Variants in BCAS1 observed in about 807,000 individuals in gnomAD.
BCAS1 encodes the protein breast carcinoma-amplified sequence 1.
In BCAS1, 46 loss-of-function variants were observed where a neutral mutation model predicts 65.4. The ratio of observed to expected loss-of-function variants is 0.70; its 90% CI spans 0.55 to 0.90. The LOEUF is 0.90. BCAS1 is among the 40% of genes least tolerant of loss of function. The probability of loss-of-function intolerance (pLI) is 0.00; values close to 1 mark genes in which losing one functional copy is unlikely to be tolerated. For missense variants in BCAS1, 793 were observed against 771.2 expected, an observed-to-expected ratio of 1.03 and a Z score of -0.33; for synonymous variants, 298 against 293.5, an observed-to-expected ratio of 1.02 and a Z score of -0.16.
intron 4 of BCAS1, among the ~76,000 whole-genome samples, chr20:54,006,972 G>A (rs2145927599): frequency 6.6e-6 from 1 of 152,264 alleles, no homozygotes; most frequent in Admixed American, 6.5e-5. Flanking sequence ...GGCTGCTAAG[G>A]AGAAAAGAAA....
In BCAS1 at chr20:54,058,168, C is replaced by T. The variant is rs762263911; in HGVS notation, c.73-14G>A. 6 of 1,612,830 alleles carry T rather than the reference C, an allele frequency of 3.7e-6. No individual in the cohort carries two copies. The highest frequency in any genetic ancestry group is 2.2e-5 in the East Asian group (1 of 44,864). On this transcript the variant is annotated splice_polypyrimidine_tract_variant and intron_variant, in intron 2 of 12. Transcript: ENST00000688948. Reference sequence around the variant, plus strand: ...AGACGCGTTGTCCTGAAACAGAGCACGTGGCATTGTGAGACAAATCTTCGG... The same window carrying T: ...AGACGCGTTGTCCTGAAACAGAGCATGTGGCATTGTGAGACAAATCTTCGG...
chr20:53,997,235 C>T (rs1375987451), intron 4 of BCAS1, among the ~76,000 whole-genome samples: 1 of 152,228 alleles, frequency 6.6e-6, no homozygotes, highest in Admixed American at 6.5e-5. Flanking sequence ...ATATCTACTT[C>T]ACTCAGTGCT....
intron 1 of BCAS1, chr20:54,068,299 C>T (rs1472121881): frequency 1.3e-5 from 2 of 154,326 alleles, no homozygotes; most frequent in African/African-American, 4.8e-5. Context: ...TTAGAGCTCG[C>T]TCTCATAGTC....
Position 54,028,228 on chromosome 20 carries a change from A to T in BCAS1, c.723+164T>A, listed in dbSNP as rs981699824. On this transcript the variant is annotated intron_variant, in intron 4 of 12. Transcript: ENST00000688948. ...CACACAGAAGTTTCTACCCAGAGAA[A>T]CATCAGGATGACACTCTGCTGCAAT... 1.7e-5 allele frequency: 12 copies of T among 691,142 alleles called. 1 individual carries two copies. In the East Asian group the frequency reaches 3.0e-4, roughly 17 times the overall value. The allele number at this position is 691,142 out of a possible 1,614,324, so 42.8% of individuals were successfully genotyped here.
intron 12 of BCAS1, among the ~76,000 whole-genome samples, chr20:53,947,496 C>T (rs2089364805): frequency 6.6e-6 from 1 of 152,166 alleles, no homozygotes; most frequent in African/African-American, 2.4e-5. Context: ...GTTGCATGAC[C>T]TCTGGCCGGT....
chr20:53,950,302 G>A (rs978183376), intron 12 of BCAS1, among the ~76,000 whole-genome samples: 2 of 151,398 alleles, frequency 1.3e-5, no homozygotes, highest in Non-Finnish European at 2.9e-5. Flanking sequence ...CCGTGCCTTT[G>A]CCAGGGCTGT....
chr20:54,025,098 T>C (rs571193081), intron 4 of BCAS1, among the ~76,000 whole-genome samples: 2 of 152,290 alleles, frequency 1.3e-5, no homozygotes, highest in Non-Finnish European at 2.9e-5. Flanking sequence ...AATTACACTT[T>C]TAAAAGAAAA....
rs369990536 is a variant in BCAS1 at position 54,013,077 on chromosome 20, A to C, written c.723+15315T>G. ...CATATGTTACCATCAACCATACAAC[A>C]TATGTTAGCATCAGGCATACATGCA... is the stretch of plus-strand genomic sequence containing the variant. On this transcript the variant is annotated intron_variant, in intron 4 of 12. Coordinates refer to ENST00000688948, the MANE Select transcript of BCAS1 (RefSeq NM_001366298.2). Among the ~76,000 whole-genome samples, 91 of 152,330 alleles carry C rather than the reference A, an allele frequency of 6.0e-4. 1 individual carries two copies. Among genetic ancestry groups the C allele is most frequent in the Middle Eastern group, 3.4e-3 (1 of 294 alleles).
chr20:54,016,218 G>A (rs2091435279), intron 4 of BCAS1, among the ~76,000 whole-genome samples: 1 of 152,100 alleles, frequency 6.6e-6, no homozygotes. Context: ...CAATATGAAA[G>A]ACCTATTGGA....
Position 53,957,470 on chromosome 20 carries a change from G to A in BCAS1, c.1513C>T (p.His505Tyr), listed in dbSNP as rs898043882. 1 of 1,614,106 alleles carries A rather than the reference G, an allele frequency of 6.2e-7. No homozygotes were observed. The highest frequency in any genetic ancestry group is 1.7e-5 in the Admixed American group (1 of 60,026). The change falls in exon 11 of 13, where the codon CAC (histidine) becomes TAC (tyrosine). Residue 505 changes from histidine (H) to tyrosine (Y), a missense_variant. By Grantham distance (83) the His-to-Tyr change is moderately conservative (BLOSUM62 2). Transcript: ENST00000688948. ...MSVKGDGGIT[H>Y]SEEINGKDSS... is the part of the protein sequence containing the mutation. ...TCTTTCCCATTTATTTCTTCTGAGT[G>A]GGTGATCCCTCCATCCCCTTTCACT... is the stretch of plus-strand genomic sequence containing the variant.
At chr20:53,948,064 A>T (rs930207351) in intron 12 of BCAS1, among the ~76,000 whole-genome samples, 5 of 152,104 alleles carry the variant, frequency 3.3e-5, no homozygotes, top group African/African-American at 7.2e-5. Context: ...GTCCAGGAAC[A>T]AGCTTCTTGC....
intron 4 of BCAS1, among the ~76,000 whole-genome samples, chr20:54,022,856 T>C (rs2091592231): frequency 6.6e-6 from 1 of 152,250 alleles, no homozygotes; most frequent in African/African-American, 2.4e-5. Context: ...TCACCCAGGC[T>C]CCTAACACTT....
At chr20:53,963,922 T>C (rs920475245) in intron 10 of BCAS1, among the ~76,000 whole-genome samples, 3 of 152,248 alleles carry the variant, frequency 2.0e-5, no homozygotes, top group African/African-American at 7.2e-5. Flanking sequence ...GCGAAGCAGC[T>C]GAAATAACGT....
At chr20:53,983,777 C>T (rs1456903850) in intron 8 of BCAS1, among the ~76,000 whole-genome samples, 5 of 152,182 alleles carry the variant, frequency 3.3e-5, no homozygotes, top group Non-Finnish European at 7.3e-5. Flanking sequence ...TTCTTAGCAC[C>T]ACCTTCAGTT....
At chr20:53,981,361 C>T (rs1279273909) in intron 8 of BCAS1, among the ~76,000 whole-genome samples, 1 of 152,110 alleles carries the variant, frequency 6.6e-6, no homozygotes, top group East Asian at 1.9e-4. Context: ...AAACAAATCA[C>T]CCAAATGATT....
intron 1 of BCAS1, among the ~76,000 whole-genome samples, chr20:54,060,172 T>C (rs2092358648): frequency 6.6e-6 from 1 of 152,226 alleles, no homozygotes; most frequent in African/African-American, 2.4e-5. Context: ...GGAGAGTTAA[T>C]TAGCCTCTCT....
At chr20:53,956,671 A>G (rs1484205909) in intron 11 of BCAS1, among the ~76,000 whole-genome samples, 4 of 152,158 alleles carry the variant, frequency 2.6e-5, no homozygotes, top group Non-Finnish European at 5.9e-5. Flanking sequence ...CAAAAAAAAA[A>G]AAAAGTGGCT....
chr20:53,980,356 G>A (rs765874735), intron 8 of BCAS1, among the ~76,000 whole-genome samples: 4 of 152,182 alleles, frequency 2.6e-5, no homozygotes, highest in Admixed American at 6.5e-5. Context: ...CTTGCAATAT[G>A]TTTTGTTCCT....
intron 1 of BCAS1, among the ~76,000 whole-genome samples, chr20:54,069,001 A>T (rs541692304): frequency 6.6e-6 from 1 of 152,182 alleles, no homozygotes; most frequent in Admixed American, 6.5e-5. Flanking sequence ...TTTCCTAAAA[A>T]CAAAACCCTT....
Sources: gnomAD v4.1 joint callset for allele counts (sites outside exome capture counted in the v4.1 genomes callset) on GRCh38, gnomAD v4.1.1 for gene constraint, MANE v1.5 for transcripts, NCBI Gene and HGNC (gene_info 2026-07-23, HGNC 2026-07-21) for gene names.